The following CSMD1 variants were observed in gnomAD, a reference collection of about 807,000 sequenced individuals.
The protein encoded by CSMD1 is CUB and sushi domain-containing protein 1.
A neutral mutation model predicts 417.5 loss-of-function variants in CSMD1; 213 were observed. The observed-to-expected ratio is 0.51, with a 90% CI of 0.46 to 0.57. CSMD1 has a LOEUF of 0.57. Ranked by LOEUF, CSMD1 falls within the 20% of genes least tolerant of loss-of-function variation. The pLI, the probability that CSMD1 is intolerant of heterozygous loss-of-function variation, is 0.00. For missense variants in CSMD1, 6,923 were observed against 4,529.7 expected, an observed-to-expected ratio of 1.53 and a Z score of -15.17; for synonymous variants, 2,862 against 1,736.8, an observed-to-expected ratio of 1.65 and a Z score of -16.11.
intron 3 of CSMD1, among the ~76,000 whole-genome samples, chr8:4,384,412 A>G (rs1265763922): frequency 6.6e-6 from 1 of 152,186 alleles, no homozygotes; most frequent in Non-Finnish European, 1.5e-5. Flanking sequence ...AAAATATACA[A>G]CAAAGGAAAA....
chr8:4,101,962 A>C (rs1368822010), intron 3 of CSMD1, among the ~76,000 whole-genome samples: 1 of 152,048 alleles, frequency 6.6e-6, no homozygotes, highest in Non-Finnish European at 1.5e-5. Flanking sequence ...AGAAAGGAGG[A>C]CTCTTGAATC....
At chr8:4,755,366 T>A (rs1325978490) in intron 1 of CSMD1, among the ~76,000 whole-genome samples, 1 of 152,224 alleles carries the variant, frequency 6.6e-6, no homozygotes, top group Non-Finnish European at 1.5e-5. Context: ...TGCAATTAGC[T>A]ATAACCTTCA....
At chr8:4,290,472 G>A (rs73660733) in intron 3 of CSMD1, among the ~76,000 whole-genome samples, 39,104 of 151,978 alleles carry the variant, frequency 0.26, 5,138 homozygotes, top group East Asian at 0.32. Flanking sequence ...ACAAGGGTCA[G>A]GGACACTGCA....
chr8:3,921,568 C>G (rs11136679), intron 5 of CSMD1, among the ~76,000 whole-genome samples: 4 of 151,874 alleles, frequency 2.6e-5, no homozygotes, highest in Non-Finnish European at 1.5e-5. Context: ...TTTGCTTCAT[C>G]TATTTTGGTG....
rs192654003 is a variant in CSMD1 at position 4,912,989 on chromosome 8, G to A, written c.85+81343C>T. On this transcript the variant is annotated intron_variant, in intron 1 of 69. Coordinates refer to ENST00000635120, the MANE Select transcript of CSMD1 (RefSeq NM_033225.6). Reference sequence around the variant, plus strand: ...TTTTTAGTAGAGATGGGGTTTTACCGTGTTGGCCAGGATAGTCTCGAACTC... The same window carrying A: ...TTTTTAGTAGAGATGGGGTTTTACCATGTTGGCCAGGATAGTCTCGAACTC... Among the ~76,000 whole-genome samples, 858 of 152,140 alleles carry A rather than the reference G, an allele frequency of 5.6e-3. 2 individuals carry two copies. Among genetic ancestry groups the A allele is most frequent in the Middle Eastern group, 0.014 (4 of 294 alleles).
At chr8:3,799,088 G>A (rs1208797428) in intron 5 of CSMD1, among the ~76,000 whole-genome samples, 1 of 151,674 alleles carries the variant, frequency 6.6e-6, no homozygotes, top group African/African-American at 2.4e-5. Context: ...ACTTCCAAAT[G>A]CCATTTTTTA....
At chr8:3,530,085 C>T (rs1251567446) in intron 10 of CSMD1, among the ~76,000 whole-genome samples, 3 of 152,124 alleles carry the variant, frequency 2.0e-5, no homozygotes, top group African/African-American at 7.2e-5. Context: ...TAATCCATGA[C>T]ACTAAAGGTT....
intron 3 of CSMD1, among the ~76,000 whole-genome samples, chr8:4,246,711 A>G (rs181390092): frequency 1.4e-3 from 217 of 152,290 alleles, no homozygotes; most frequent in Middle Eastern, 0.01. Flanking sequence ...TTGTTTTTTA[A>G]TTTATCATTG....
intron 12 of CSMD1, among the ~76,000 whole-genome samples, chr8:3,451,920 T>C (rs995918495): frequency 3.3e-5 from 5 of 152,234 alleles, no homozygotes; most frequent in Non-Finnish European, 7.3e-5. Flanking sequence ...ATGGCCATTT[T>C]CACGACATTG....
intron 37 of CSMD1, among the ~76,000 whole-genome samples, chr8:3,175,877 G>C (rs919226685): frequency 6.6e-6 from 1 of 152,162 alleles, no homozygotes; most frequent in African/African-American, 2.4e-5. Context: ...AACCTTTTAA[G>C]AAAGGCAGTG....
chr8:3,259,338 G>C (rs138221061), intron 26 of CSMD1, among the ~76,000 whole-genome samples: 2 of 152,322 alleles, frequency 1.3e-5, no homozygotes, highest in Admixed American at 1.3e-4. Flanking sequence ...CAGGAATCTT[G>C]ACTTCGTTCA....
Position 3,558,348 on chromosome 8 carries a change from C to T in CSMD1, c.1344+16597G>A, listed in dbSNP as rs371119244. ...ATGATGCCTCAGTAGTACCCCGTGTCCACTCCTCCAATGATGAATGGTGCC... is the reference window on the plus strand; with the variant it reads ...ATGATGCCTCAGTAGTACCCCGTGTTCACTCCTCCAATGATGAATGGTGCC... On this transcript the variant is annotated intron_variant, in intron 10 of 69. Coordinates refer to ENST00000635120, the MANE Select transcript of CSMD1 (RefSeq NM_033225.6). Among the ~76,000 whole-genome samples the T allele has an allele frequency of 1.3e-3, 161 of 121,780 alleles. 2 individuals carry two copies. Among genetic ancestry groups the T allele is most frequent in the Admixed American group, 4.0e-3 (42 of 10,598 alleles). The allele number at this position is 121,780 out of a possible 152,430, so 79.9% of individuals were successfully genotyped here. A position where few individuals can be genotyped will look rare whatever the true frequency, so the allele number is the denominator to read the frequency against.
chr8:4,727,988 C>CA (rs1225130158), intron 1 of CSMD1, among the ~76,000 whole-genome samples: 1 of 137,706 alleles, frequency 7.3e-6, no homozygotes, highest in Non-Finnish European at 1.5e-5. Context: ...TATATATATA[C>CA]AAAATATATA....
intron 5 of CSMD1, among the ~76,000 whole-genome samples, chr8:3,756,514 C>A (rs1797667783): frequency 6.6e-6 from 1 of 152,098 alleles, no homozygotes; most frequent in Non-Finnish European, 1.5e-5. Flanking sequence ...AGCAAGCCTA[C>A]CTTTTCCACA....
Position 3,749,302 on chromosome 8 carries a change from C to T in CSMD1, c.931+4628G>A, listed in dbSNP as rs558658722. 7.2e-5 allele frequency among the ~76,000 whole-genome samples: 11 copies of T among 152,226 alleles called. No individual in the cohort carries two copies. In the South Asian group the frequency reaches 2.3e-3, roughly 32 times the overall value. ...AGCCCAATATATACAGCAGATATTG[C>T]AAATATATTGTGGGTTTTTCCCCTG... On this transcript the variant is annotated intron_variant, in intron 6 of 69. Transcript: ENST00000635120.
intron 3 of CSMD1, among the ~76,000 whole-genome samples, chr8:4,171,836 A>G (rs1364082865): frequency 6.6e-6 from 1 of 152,182 alleles, no homozygotes; most frequent in Non-Finnish European, 1.5e-5. Flanking sequence ...AGTTTAATAA[A>G]AAATGCCCAT....
intron 5 of CSMD1, among the ~76,000 whole-genome samples, chr8:3,911,545 AAAAG>A (rs1808469894): frequency 6.6e-6 from 1 of 151,756 alleles, no homozygotes; most frequent in African/African-American, 2.4e-5. Context: ...AAAAAAAAAA[AAAAG>A]AAGAAGAAGA....
At chr8:3,489,791 A>T (rs1162176235) in intron 11 of CSMD1, among the ~76,000 whole-genome samples, 2 of 152,216 alleles carry the variant, frequency 1.3e-5, no homozygotes, top group African/African-American at 2.4e-5. Flanking sequence ...TTCATTTTCC[A>T]AATTTCTCTT....
intron 17 of CSMD1, among the ~76,000 whole-genome samples, chr8:3,394,444 C>T (rs535912961): frequency 2.0e-4 from 30 of 152,074 alleles, no homozygotes; most frequent in African/African-American, 7.2e-4. Context: ...CTTCTGCCTT[C>T]ACTTAGCCTT....
Sources: gnomAD v4.1 joint callset for allele counts (sites outside exome capture counted in the v4.1 genomes callset) on GRCh38, gnomAD v4.1.1 for gene constraint, MANE v1.5 for transcripts, NCBI Gene and HGNC (gene_info 2026-07-23, HGNC 2026-07-21) for gene names.